The following PBX1 variants were observed in gnomAD, a reference collection of about 807,000 sequenced individuals.
The protein encoded by PBX1 is PBX homeobox 1, also known as pre-B-cell leukemia transcription factor 1.
Under a neutral mutation model 53.4 loss-of-function variants are expected in PBX1, and 6 were observed. That is an observed-to-expected ratio of 0.11 (90% confidence interval 0.06 to 0.22). The LOEUF is 0.22. Among genes scored for constraint, PBX1 ranks in the 10% least tolerant of loss-of-function variants. PBX1 has a pLI of 1.00. For missense variants in PBX1, 251 were observed against 551.4 expected (o/e 0.46, Z 5.46); for synonymous variants, 204 against 212.3 (o/e 0.96, Z 0.34).
intron 2 of PBX1, among the ~76,000 whole-genome samples, chr1:164,729,651 A>G (rs1332283589): frequency 6.6e-6 from 1 of 152,142 alleles, no homozygotes; most frequent in Non-Finnish European, 1.5e-5. Context: ...TCTCTTTTAC[A>G]GTTAAGAAGA....
chr1:164,780,568 G>C (rs1000671727), intron 2 of PBX1, among the ~76,000 whole-genome samples: 1 of 152,098 alleles, frequency 6.6e-6, no homozygotes, highest in African/African-American at 2.4e-5. Flanking sequence ...CAGGGAAGAC[G>C]TCTGGGAGAA....
intron 2 of PBX1, among the ~76,000 whole-genome samples, chr1:164,859,875 T>C (rs923206099): frequency 1.3e-5 from 2 of 152,216 alleles, no homozygotes; most frequent in African/African-American, 4.8e-5. Flanking sequence ...CAACTGTATT[T>C]ATCAATGTAC....
chr1:164,572,778 T>C (rs1395114003), intron 2 of PBX1, among the ~76,000 whole-genome samples: 1 of 152,236 alleles, frequency 6.6e-6, no homozygotes, highest in Non-Finnish European at 1.5e-5. Context: ...GCTCAACTAG[T>C]GGCCACTACT....
chr1:164,849,893 TA>T lies in PBX1; in HGVS notation c.*3225del. On this transcript the variant is annotated 3_prime_UTR_variant, in exon 9 of 9. Transcript: ENST00000420696. ...AGATGAAACTACAGAAACTCAAATT[TA>T]AAAAAAACTTTAAAAGAAACAAAAA... The T allele has an allele frequency of 4.4e-6, 1 of 228,904 alleles. No homozygotes were observed. The highest frequency in any genetic ancestry group is 8.7e-6 in the Non-Finnish European group (1 of 115,432). 14.2% of individuals were successfully genotyped at this position (228,904 alleles called of 1,614,324 possible). A position where few individuals can be genotyped will look rare whatever the true frequency, so the allele number is the denominator to read the frequency against.
rs1393718305 is a variant in PBX1, at chr1:164,849,317, C to G, written c.*2641C>G. On this transcript the variant is annotated 3_prime_UTR_variant, in exon 9 of 9. Transcript: ENST00000420696. ...ACAGCATTTTCCCCAACCAGCATTT[C>G]ACTTAGTCTTCTCTATACCCAGCAC... The G allele has an allele frequency of 1.3e-6, 2 of 1,535,438 alleles. No individual in the cohort carries two copies. The highest frequency in any genetic ancestry group is 1.7e-6 in the Non-Finnish European group (2 of 1,146,650).
At chr1:164,581,385 G>C (rs187309302) in intron 2 of PBX1, among the ~76,000 whole-genome samples, 24 of 151,762 alleles carry the variant, frequency 1.6e-4, no homozygotes, top group African/African-American at 5.8e-4. Context: ...GGGCCACCGC[G>C]CCTGGCTAAT....
chr1:164,681,433 C>T (rs1225584233), intron 2 of PBX1, among the ~76,000 whole-genome samples: 1 of 151,976 alleles, frequency 6.6e-6, no homozygotes, highest in Non-Finnish European at 1.5e-5. Context: ...AAAAACTAAG[C>T]ATTTAAAATA....
intron 2 of PBX1, among the ~76,000 whole-genome samples, chr1:164,713,655 A>G (rs577383337): frequency 6.6e-6 from 1 of 152,220 alleles, no homozygotes; most frequent in South Asian, 2.1e-4. Context: ...AAAGAGGGGA[A>G]AGGAACCCGT....
intron 4 of PBX1, among the ~76,000 whole-genome samples, chr1:164,806,685 C>G (rs1251489746): frequency 6.6e-6 from 1 of 152,144 alleles, no homozygotes; most frequent in Non-Finnish European, 1.5e-5. Flanking sequence ...AGTTCTTCAT[C>G]GGTAAATACG....
chr1:164,799,425 G>A (rs896704303), intron 3 of PBX1, among the ~76,000 whole-genome samples: 7 of 152,138 alleles, frequency 4.6e-5, no homozygotes, highest in South Asian at 2.1e-4. Context: ...CGGGAGGCGG[G>A]GCTTGCAGTG....
chr1:164,772,572 G>A (rs1667431397), intron 2 of PBX1, among the ~76,000 whole-genome samples: 2 of 152,234 alleles, frequency 1.3e-5, no homozygotes, highest in African/African-American at 4.8e-5. Flanking sequence ...TTGGAAAATT[G>A]TAATAGAAAC....
At chr1:164,705,517 T>C (rs1017443065) in intron 2 of PBX1, among the ~76,000 whole-genome samples, 3 of 152,204 alleles carry the variant, frequency 2.0e-5, no homozygotes, top group Admixed American at 1.3e-4. Flanking sequence ...CTTGCTTGCT[T>C]ACTTAAGCCT....
At chr1:164,794,909 G>T (rs1224778350) in intron 3 of PBX1, among the ~76,000 whole-genome samples, 2 of 152,172 alleles carry the variant, frequency 1.3e-5, no homozygotes, top group African/African-American at 4.8e-5. Context: ...TGTTAGGTTG[G>T]GAGGTGTTGG....
chr1:164,881,220 C>A (rs1339134), intron 2 of PBX1, among the ~76,000 whole-genome samples: 58,153 of 151,324 alleles, frequency 0.38, 11,451 homozygotes, highest in Middle Eastern at 0.48. Context: ...AAAATGTAAA[C>A]CCCCCATAGT....
At chr1:164,629,464 A>G (rs966185612) in intron 2 of PBX1, among the ~76,000 whole-genome samples, 7 of 152,228 alleles carry the variant, frequency 4.6e-5, no homozygotes, top group Admixed American at 4.6e-4. Flanking sequence ...TCCCTGACTC[A>G]TGGAATATTA....
intron 2 of PBX1, among the ~76,000 whole-genome samples, chr1:164,871,027 T>C (rs1033656789): frequency 6.6e-6 from 1 of 152,144 alleles, no homozygotes; most frequent in African/African-American, 2.4e-5. Flanking sequence ...TTTCATCCTA[T>C]TTAATTGAGC....
intron 8 of PBX1, chr1:164,829,910 A>G (rs765069822): frequency 2.0e-5 from 3 of 152,226 alleles, no homozygotes; most frequent in Non-Finnish European, 4.4e-5. Flanking sequence ...GAAGATGCTT[A>G]CATATAAACA....
At chr1:164,827,356 C>G (rs927739791) in intron 8 of PBX1, among the ~76,000 whole-genome samples, 3 of 152,032 alleles carry the variant, frequency 2.0e-5, no homozygotes, top group African/African-American at 7.2e-5. Flanking sequence ...GAAAACATAC[C>G]CAGATGTGCC....
At chr1:164,729,940 T>A (rs1038922722) in intron 2 of PBX1, among the ~76,000 whole-genome samples, 3 of 152,216 alleles carry the variant, frequency 2.0e-5, no homozygotes, top group Non-Finnish European at 4.4e-5. Context: ...TCCCAATAAT[T>A]TGATGATGTT....
Sources: gnomAD v4.1 joint callset for allele counts (sites outside exome capture counted in the v4.1 genomes callset) on GRCh38, gnomAD v4.1.1 for gene constraint, MANE v1.5 for transcripts, NCBI Gene and HGNC (gene_info 2026-07-23, HGNC 2026-07-21) for gene names.